The following NISCH variants were observed in gnomAD, a reference collection of about 807,000 sequenced individuals.
NISCH encodes nischarin.
NISCH carries 55 observed loss-of-function variants against 138.4 expected under a neutral mutation model. The ratio of observed to expected loss-of-function variants is 0.40; its 90% CI spans 0.32 to 0.50. The LOEUF (loss-of-function observed/expected upper bound fraction) is 0.50, where lower values mean the gene tolerates loss of function less well. Ranked by LOEUF, NISCH falls within the 20% of genes least tolerant of loss-of-function variation. The pLI, the probability that NISCH is intolerant of heterozygous loss-of-function variation, is 0.71. For missense variants in NISCH, 1,643 were observed against 2,005.5 expected, an observed-to-expected ratio of 0.82 and a Z score of 3.45; for synonymous variants, 860 against 861.5, an observed-to-expected ratio of 1.00 and a Z score of 0.03.
intron 16 of NISCH, 124 bp from the exon 17 acceptor site, chr3:52,489,212 G>A (rs1395545816): frequency 1.7e-6 from 2 of 1,181,494 alleles, no homozygotes; most frequent in East Asian, 2.4e-5. Context: ...AGAAGCTGGT[G>A]GAAGTCCCCA....
At chr3:52,472,879 TGAAAA>T (rs1371693708) in intron 6 of NISCH, among the ~76,000 whole-genome samples, 7 of 152,270 alleles carry the variant, frequency 4.6e-5, no homozygotes, top group Admixed American at 2.0e-4. Flanking sequence ...TTAGCATTTT[TGAAAA>T]GAAAAGTCAG....
Position 52,479,661 on chromosome 3 carries a change from C to T in NISCH, c.1303-88C>T. ...CCTACCATCCTCCTGCCATGCTCAC[C>T]AGTCCCCATGCTGATAGCCATCACC... On this transcript the variant is annotated intron_variant, in intron 11 of 20. Coordinates refer to ENST00000345716, the MANE Select transcript of NISCH (RefSeq NM_007184.4). 8 of 943,654 alleles carry T rather than the reference C, an allele frequency of 8.5e-6. No homozygotes were observed. The South Asian group carries it at 1.3e-4, about 16-fold the overall frequency. The allele number at this position is 943,654 out of a possible 1,614,324, so 58.5% of individuals were successfully genotyped here. A position where few individuals can be genotyped will look rare whatever the true frequency, so the allele number is the denominator to read the frequency against.
chr3:52,460,186 C>CAAAAAAA (rs60865450), intron 3 of NISCH, among the ~76,000 whole-genome samples: 3 of 56,194 alleles, frequency 5.3e-5, no homozygotes, highest in Non-Finnish European at 6.0e-5. Flanking sequence ...GACTTCATCT[C>CAAAAAAA]AAAAAAAAAA....
rs761883641 is a variant in NISCH, at chr3:52,487,589, C to G, written c.2097C>G (p.Asp699Glu). ...ALEWALGADEDFLLEHIRILK... is the reference protein window; with the variant it reads ...ALEWALGADEEFLLEHIRILK... Reference sequence around the variant, plus strand: ...AATGGGCCCTGGGCGCGGACGAGGACTTCCTGCTGGAGCACATCCGCATCC... The same window carrying G: ...AATGGGCCCTGGGCGCGGACGAGGAGTTCCTGCTGGAGCACATCCGCATCC... Residue 699 changes from aspartate (D) to glutamate (E), a missense_variant, in exon 16 of 21, where the codon GAC (aspartate) becomes GAG (glutamate). Asp to Glu is a conservative substitution (Grantham distance 45). Transcript: ENST00000345716. This position sits in a 1 kb window ranked among gnomAD's most constrained non-coding sequence, Gnocchi z 9.1. 4 of 1,613,766 alleles carry G rather than the reference C, an allele frequency of 2.5e-6. No homozygotes were observed. The South Asian group carries it at 4.4e-5, about 18-fold the overall frequency.
At chr3:52,472,180 G>A in intron 5 of NISCH, 123 bp from the exon 6 acceptor site, 1 of 1,055,674 alleles carries the variant, frequency 9.5e-7, no homozygotes, top group South Asian at 1.4e-5. Context: ...ATTAAGTCCT[G>A]GCCTGAGCCT....
In NISCH at chr3:52,484,577, C is replaced by G; in HGVS notation, c.1593C>G (p.Pro531=). Residue 531 remains proline, a synonymous_variant, in exon 14 of 21, where the codon CCC becomes CCG. Coordinates refer to ENST00000345716, the MANE Select transcript of NISCH (RefSeq NM_007184.4). The part of the protein sequence containing the change: ...SSLSSTDSLT[P]EHQPIAQGCS... ...TCTCGTCCACTGACAGTCTGACTCCCGAGCACCAGCCCATTGCCCAGGGAT... is the reference window on the plus strand; with the variant it reads ...TCTCGTCCACTGACAGTCTGACTCCGGAGCACCAGCCCATTGCCCAGGGAT... The G allele has an allele frequency of 6.2e-7, 1 of 1,613,638 alleles. No homozygotes were observed. The highest frequency in any genetic ancestry group is 8.5e-7 in the Non-Finnish European group (1 of 1,179,856).
intron 3 of NISCH, chr3:52,470,649 G>A: frequency 3.3e-6 from 2 of 601,368 alleles, no homozygotes; most frequent in Admixed American, 2.9e-5. Context: ...TTCTGCTTTG[G>A]AGGAGACATT....
At chr3:52,465,609 C>T (rs1416950739) in intron 3 of NISCH, among the ~76,000 whole-genome samples, 1 of 152,208 alleles carries the variant, frequency 6.6e-6, no homozygotes, top group Non-Finnish European at 1.5e-5. Context: ...TGACAGGCCT[C>T]ATCCCAGAAC....
In NISCH at chr3:52,488,589, G is replaced by C. The variant is rs1310200123; in HGVS notation, c.3097G>C (p.Ala1033Pro). 2 of 1,610,606 alleles carry C rather than the reference G, an allele frequency of 1.2e-6. No individual in the cohort carries two copies. Among genetic ancestry groups the C allele is most frequent in the Non-Finnish European group, 1.7e-6 (2 of 1,178,672 alleles). ...GGGCTCCTTTGCGGATGGCCAGCCT[G>C]CCGAGCGCAGGGCCAGGTGAGATCA... ...PQGSFADGQP[A>P]ERRASNDQRP... The change falls in exon 16 of 21, where the codon GCC (alanine) becomes CCC (proline). Residue 1033 changes from alanine to proline, a missense_variant. Coordinates refer to ENST00000345716, the MANE Select transcript of NISCH (RefSeq NM_007184.4).
chr3:52,470,610 C>T (rs1326914130), intron 3 of NISCH: 1 of 568,250 alleles, frequency 1.8e-6, no homozygotes, highest in African/African-American at 1.9e-5. Flanking sequence ...GCCCTATGGA[C>T]TGGAGTCGCA....
intron 6 of NISCH, 97 bp from the exon 7 acceptor site, chr3:52,473,637 C>A: frequency 1.3e-6 from 1 of 786,264 alleles, no homozygotes; most frequent in Non-Finnish European, 2.0e-6. Flanking sequence ...GGTTGCCTGT[C>A]ATTGTGCTTT....
intron 3 of NISCH, among the ~76,000 whole-genome samples, chr3:52,463,269 T>A (rs1706686346): frequency 6.6e-6 from 1 of 152,284 alleles, no homozygotes; most frequent in South Asian, 2.1e-4. Flanking sequence ...GGTCCGTTCA[T>A]ATTGTAGCAT....
intron 19 of NISCH, 145 bp downstream of exon 19, chr3:52,490,978 C>T (rs1578315687): frequency 1.7e-6 from 2 of 1,165,376 alleles, no homozygotes; most frequent in East Asian, 4.7e-5. Flanking sequence ...GAGGAAGCAG[C>T]TTCAGGAACT....
At position 52,487,570 on chromosome 3, in the gene NISCH, C is replaced by T. The variant is rs1193409958; in HGVS notation, c.2078C>T (p.Ala693Val). 1 of 1,612,600 alleles carries T rather than the reference C, an allele frequency of 6.2e-7. No individual in the cohort carries two copies. Among genetic ancestry groups the T allele is most frequent in the Non-Finnish European group, 8.5e-7 (1 of 1,179,064 alleles). Reference protein sequence around the residue: ...AEEERLALEWALGADEDFLLE... With the variant: ...AEEERLALEWVLGADEDFLLE... Reference sequence around the variant, plus strand: ...GAGGAGCGCCTGGCTCTGGAATGGGCCCTGGGCGCGGACGAGGACTTCCTG... The same window carrying T: ...GAGGAGCGCCTGGCTCTGGAATGGGTCCTGGGCGCGGACGAGGACTTCCTG... The change falls in exon 16 of 21, where the codon GCC (alanine) becomes GTC (valine). Residue 693 changes from alanine to valine, a missense_variant. Ala to Val is a moderately conservative substitution (Grantham distance 64). Coordinates refer to ENST00000345716, the MANE Select transcript of NISCH (RefSeq NM_007184.4). This position sits in a 1 kb window ranked among gnomAD's most constrained non-coding sequence, Gnocchi z 9.1.
At chr3:52,472,806 G>A (rs565760873) in intron 6 of NISCH, among the ~76,000 whole-genome samples, 11 of 152,230 alleles carry the variant, frequency 7.2e-5, no homozygotes, top group South Asian at 2.1e-4. Flanking sequence ...GCCCTCTGGG[G>A]CACCCACACA....
intron 1 of NISCH, among the ~76,000 whole-genome samples, chr3:52,456,497 C>A (rs1246821931): frequency 6.6e-6 from 1 of 152,120 alleles, no homozygotes; most frequent in Admixed American, 6.5e-5. Context: ...GGGTTGGATG[C>A]CAGGCCTGTG....
At chr3:52,457,958 A>C in intron 2 of NISCH, 32 bp downstream of exon 2, 21 of 1,543,262 alleles carry the variant, frequency 1.4e-5, no homozygotes, top group South Asian at 2.2e-5. Context: ...CACGTATCTC[A>C]GGGCTGGGGG....
At chr3:52,463,091 G>A (rs188975302) in intron 3 of NISCH, among the ~76,000 whole-genome samples, 5 of 152,320 alleles carry the variant, frequency 3.3e-5, no homozygotes, top group Admixed American at 1.3e-4. Flanking sequence ...AAAGGAACCT[G>A]TACCTGTTAG....
intron 15 of NISCH, 74 bp downstream of exon 15, chr3:52,485,901 G>T (rs1432906857): frequency 1.4e-6 from 2 of 1,454,074 alleles, no homozygotes; most frequent in African/African-American, 1.4e-5. Flanking sequence ...TGGGCCAGGG[G>T]TGGCCAGTCA....
Sources: allele counts gnomAD v4.1 joint callset (sites outside exome capture counted in the v4.1 genomes callset), GRCh38; gene constraint gnomAD v4.1.1; non-coding constraint Gnocchi (gnomAD v3.1); transcripts MANE v1.5; gene names NCBI Gene and HGNC (gene_info 2026-07-23, HGNC 2026-07-21).